Variants in PCK1 observed in about 807,000 individuals in gnomAD.
PCK1 encodes phosphoenolpyruvate carboxykinase, cytosolic [GTP].
A neutral mutation model predicts 50.3 loss-of-function variants in PCK1; 44 were observed. The observed-to-expected ratio is 0.87, with a 90% CI of 0.69 to 1.12. PCK1 has a LOEUF of 1.12. Among genes scored for constraint, PCK1 ranks in the 50% most tolerant of loss-of-function variants. The pLI is 0.00. For synonymous variants in PCK1, 332 were observed against 314.3 expected, an observed-to-expected ratio of 1.06 and a Z score of -0.59; for missense variants, 790 against 815.0, an observed-to-expected ratio of 0.97 and a Z score of 0.37.
Position 57,561,646 on chromosome 20 carries a change from C to A in PCK1, c.224+11C>A, listed in dbSNP as rs1158122497. The A allele has an allele frequency of 6.4e-7, 1 of 1,570,396 alleles. No homozygotes were observed. The stretch of plus-strand genomic sequence containing the variant: ...GAAGTATGACAACTGGTAAGCTCGG[C>A]CCCCGCTGCCTGTCCCAGCACCCTG... On this transcript the variant is annotated intron_variant, in intron 2 of 9. Coordinates refer to ENST00000319441, the MANE Select transcript of PCK1 (RefSeq NM_002591.4).
Position 57,561,409 on chromosome 20 carries a change from G to GA in PCK1, c.1dup. The GA allele has an allele frequency of 6.2e-7, 1 of 1,607,984 alleles. No homozygotes were observed. Among genetic ancestry groups the GA allele is most frequent in the Admixed American group, 1.7e-5 (1 of 59,986 alleles). ...TCGTGCCCCTTAGCAGCACTCTGCA[G>GA]AAATGCCTCCTCAGCTGCAAAACGG... On this transcript the variant is annotated 5_prime_UTR_variant, in exon 2 of 10. Coordinates refer to ENST00000319441, the MANE Select transcript of PCK1 (RefSeq NM_002591.4).
chr20:57,563,648 C>G lies in PCK1; in HGVS notation c.882C>G (p.Ala294=), dbSNP rs200973243. The change falls in exon 6 of 10, where the codon GCC becomes GCG. Residue 294 remains alanine, a synonymous_variant. Transcript: ENST00000319441. ...GCGCCTGCGGGAAGACCAACCTGGC[C>G]ATGATGAACCCCAGCCTCCCCGGGT... The part of the protein sequence containing the change: ...FPSACGKTNL[A]MMNPSLPGWK... 1.2e-6 allele frequency: 2 copies of G among 1,613,296 alleles called. No homozygotes were observed. The highest frequency in any genetic ancestry group is 1.7e-6 in the Non-Finnish European group (2 of 1,179,424).
At chr20:57,564,868 T>C (rs1275633490) in intron 8 of PCK1, 172 bp from the exon 9 acceptor site, 11 of 645,256 alleles carry the variant, frequency 1.7e-5, no homozygotes, top group East Asian at 2.7e-5. Context: ...GCCTCAGTCA[T>C]GTAACTTTGA....
chr20:57,563,518 G>A (rs758216764), intron 5 of PCK1, 47 bp from the exon 6 acceptor site: 27 of 1,402,838 alleles, frequency 1.9e-5, no homozygotes, highest in Admixed American at 3.8e-5. Context: ...TACCAACCTC[G>A]GGGAGAAGGA....
rs28359549 is a variant in PCK1, at chr20:57,564,016, TA to T, written c.962-152del. ...GAGTCGTAAACGTATCAAAGTTGCATATGATGCTTGGATGAAAAGAGATAAA... is the reference window on the plus strand; with the variant it reads ...GAGTCGTAAACGTATCAAAGTTGCATTGATGCTTGGATGAAAAGAGATAAA... On this transcript the variant is annotated intron_variant, in intron 6 of 9. Coordinates refer to ENST00000319441, the MANE Select transcript of PCK1 (RefSeq NM_002591.4). The T allele has an allele frequency of 1.9e-4, 119 of 642,324 alleles. No individual in the cohort carries two copies. The African/African-American group carries it at 2.1e-3, about 11-fold the overall frequency. 39.8% of individuals were successfully genotyped at this position (642,324 alleles called of 1,614,324 possible). A position where few individuals can be genotyped will look rare whatever the true frequency, so the allele number is the denominator to read the frequency against.
rs1600705981 is a variant in PCK1, at chr20:57,561,708, G to T, written c.224+73G>T. The T allele has an allele frequency of 2.9e-6, 3 of 1,046,802 alleles. No homozygotes were observed. The East Asian group carries it at 7.1e-5, about 25-fold the overall frequency. The allele number at this position is 1,046,802 out of a possible 1,614,324, so 64.8% of individuals were successfully genotyped here. A position where few individuals can be genotyped will look rare whatever the true frequency, so the allele number is the denominator to read the frequency against. ...CCCCTGCGTCTCCTGGGAGTTGGTGGAGAAAGGTGAATGAAGGCCTTCGGG... is the reference window on the plus strand; with the variant it reads ...CCCCTGCGTCTCCTGGGAGTTGGTGTAGAAAGGTGAATGAAGGCCTTCGGG... On this transcript the variant is annotated intron_variant, in intron 2 of 9. Transcript: ENST00000319441.
Position 57,564,265 on chromosome 20 carries a change from A to G in PCK1, c.1058A>G (p.Lys353Arg). Reference sequence around the variant, plus strand: ...CCCAATGCCATCAAGACCATCCAGAAGAACACAATCTTTACCAATGTGGCC... The same window carrying G: ...CCCAATGCCATCAAGACCATCCAGAGGAACACAATCTTTACCAATGTGGCC... The part of the protein sequence containing the change: ...TNPNAIKTIQ[K>R]NTIFTNVAET... The change falls in exon 7 of 10, where the codon AAG becomes AGG. Residue 353 changes from lysine to arginine, a missense_variant. Coordinates refer to ENST00000319441, the MANE Select transcript of PCK1 (RefSeq NM_002591.4). The G allele has an allele frequency of 1.2e-6, 2 of 1,614,128 alleles. No homozygotes were observed. The highest frequency in any genetic ancestry group is 1.7e-6 in the Non-Finnish European group (2 of 1,179,992).
In PCK1 at chr20:57,562,988, G is replaced by A. The variant is rs767046921; in HGVS notation, c.611-40G>A. ...GAGTGCCTCGGGGACCCCCAAGCAG[G>A]GCCCTGGCGCACTGACTTGGGAGGG... On this transcript the variant is annotated intron_variant, in intron 4 of 9. Transcript: ENST00000319441. 1.3e-5 allele frequency: 20 copies of A among 1,592,772 alleles called. No homozygotes were observed. In the East Asian group the frequency reaches 3.8e-4, roughly 30 times the overall value.
At position 57,561,377 on chromosome 20, in the gene PCK1, C is replaced by T. The variant is rs757226961; in HGVS notation, c.-35C>T. 8 of 1,395,174 alleles carry T rather than the reference C, an allele frequency of 5.7e-6. No homozygotes were observed. The highest frequency in any genetic ancestry group is 7.1e-6 in the Non-Finnish European group (7 of 990,776). The allele number at this position is 1,395,174 out of a possible 1,614,324, so 86.4% of individuals were successfully genotyped here. A position where few individuals can be genotyped will look rare whatever the true frequency, so the allele number is the denominator to read the frequency against. On this transcript the variant is annotated 5_prime_UTR_variant, in exon 2 of 10. Coordinates refer to ENST00000319441, the MANE Select transcript of PCK1 (RefSeq NM_002591.4). Reference sequence around the variant, plus strand: ...GCTTGCGTTTTCTATTTCAGGTGACCTCACATTCGTGCCCCTTAGCAGCAC... The same window carrying T: ...GCTTGCGTTTTCTATTTCAGGTGACTTCACATTCGTGCCCCTTAGCAGCAC...
Position 57,567,175 on chromosome 20 carries a change from G to A in PCK1, c.*1371G>A, listed in dbSNP as rs2070212124. 3.3e-5 allele frequency: 5 copies of A among 152,244 alleles called. No individual in the cohort carries two copies. Among genetic ancestry groups the A allele is most frequent in the Admixed American group, 3.3e-4 (5 of 15,280 alleles). 9.4% of individuals were successfully genotyped at this position (152,244 alleles called of 1,614,324 possible). A position where few individuals can be genotyped will look rare whatever the true frequency, so the allele number is the denominator to read the frequency against. ...AGTTGTAGTTTCTTTCTTGGGCCCA[G>A]GCTGTGAAATTGGCTTCACCCCTAC... On this transcript the variant is annotated 3_prime_UTR_variant, in exon 10 of 10. Coordinates refer to ENST00000319441, the MANE Select transcript of PCK1 (RefSeq NM_002591.4).
At position 57,562,185 on chromosome 20, in the gene PCK1, C is replaced by A; in HGVS notation, c.339C>A (p.Leu113=). The A allele has an allele frequency of 6.2e-7, 1 of 1,614,058 alleles. No individual in the cohort carries two copies. The highest frequency in any genetic ancestry group is 1.6e-4 in the Middle Eastern group (1 of 6,062). ...VPIPKTGLSQ[L]GRWMSEEDFE... ...TCCCCAAAACAGGCCTCAGCCAGCTCGGTCGCTGGATGTCAGAGGAGGATT... is the reference window on the plus strand; with the variant it reads ...TCCCCAAAACAGGCCTCAGCCAGCTAGGTCGCTGGATGTCAGAGGAGGATT... The change falls in exon 3 of 10, where the codon CTC becomes CTA. Residue 113 remains leucine, a synonymous_variant. Transcript: ENST00000319441.
chr20:57,563,664 CT>C lies in PCK1; in HGVS notation c.899del (p.Leu300ProfsTer16). On this transcript the variant is annotated frameshift_variant, in exon 6 of 10. Transcript: ENST00000319441. LOFTEE classifies it high-confidence loss of function. Reference sequence around the variant, plus strand: ...CAACCTGGCCATGATGAACCCCAGCCTCCCCGGGTGGAAGGTTGAGTGCGTC... The same window carrying C: ...CAACCTGGCCATGATGAACCCCAGCCCCCCGGGTGGAAGGTTGAGTGCGTC... ...KTNLAMMNPS[L>X]PGWKVECVGD... The C allele has an allele frequency of 3.1e-6, 5 of 1,613,878 alleles. No individual in the cohort carries two copies. The highest frequency in any genetic ancestry group is 4.2e-6 in the Non-Finnish European group (5 of 1,179,790).
In PCK1 at chr20:57,565,479, A is replaced by C. The variant is rs763861186; in HGVS notation, c.1544A>C (p.Asn515Thr). 1.9e-6 allele frequency: 3 copies of C among 1,614,224 alleles called. No individual in the cohort carries two copies. The highest frequency in any genetic ancestry group is 2.5e-6 in the Non-Finnish European group (3 of 1,180,030). ...AAKLPKIFHVNWFRKDKEGKF... is the reference protein window; with the variant it reads ...AAKLPKIFHVTWFRKDKEGKF... ...AAACTGCCCAAGATCTTCCATGTCA[A>C]CTGGTTCCGGAAGGACAAGGAAGGC... is the stretch of plus-strand genomic sequence containing the variant. Residue 515 changes from asparagine (N) to threonine (T), a missense_variant, in exon 10 of 10, where the codon AAC becomes ACC. By Grantham distance (65) the Asn-to-Thr change is moderately conservative. Transcript: ENST00000319441.
chr20:57,563,277 G>A, intron 5 of PCK1, 62 bp downstream of exon 5: 1 of 1,469,470 alleles, frequency 6.8e-7, no homozygotes, highest in East Asian at 2.3e-5. Context: ...GAAACAAACA[G>A]CATTACAGTT....
rs1433189302 is a variant in PCK1, at chr20:57,568,100, A to T, written c.*2296A>T. The T allele has an allele frequency of 1.3e-5, 2 of 152,226 alleles. No homozygotes were observed. The highest frequency in any genetic ancestry group is 4.8e-5 in the African/African-American group (2 of 41,458). 9.4% of individuals were successfully genotyped at this position (152,226 alleles called of 1,614,324 possible). On this transcript the variant is annotated 3_prime_UTR_variant, in exon 10 of 10. Coordinates refer to ENST00000319441, the MANE Select transcript of PCK1 (RefSeq NM_002591.4). ...CGGACCCCTGTCTACAATAAACAGG[A>T]TCCTATGACTTCTTTCTTCAATGTT...
intron 5 of PCK1, 23 bp downstream of exon 5, chr20:57,563,238 T>C (rs1487649830): frequency 1.2e-6 from 2 of 1,609,162 alleles, no homozygotes; most frequent in East Asian, 2.2e-5. Context: ...GAAGCCCTGA[T>C]GTGCAGATGA....
At chr20:57,563,244 G>T in intron 5 of PCK1, 29 bp downstream of exon 5, 1 of 1,602,190 alleles carries the variant, frequency 6.2e-7, no homozygotes, top group Non-Finnish European at 8.5e-7. Context: ...CTGATGTGCA[G>T]ATGAGAGGCC....
At chr20:57,562,560 C>T in intron 3 of PCK1, 136 bp from the exon 4 acceptor site, 1 of 729,504 alleles carries the variant, frequency 1.4e-6, no homozygotes, top group Non-Finnish European at 2.3e-6. Context: ...TCTTCTAACC[C>T]AGGGGGCTGG....
chr20:57,565,898 C>T lies in PCK1; in HGVS notation c.*94C>T, dbSNP rs2070200703. ...GAGGGCAAGTGTTCCCAAATTGACGCCACCATAATAATCATCACCACACCG... is the reference window on the plus strand; with the variant it reads ...GAGGGCAAGTGTTCCCAAATTGACGTCACCATAATAATCATCACCACACCG... On this transcript the variant is annotated 3_prime_UTR_variant, in exon 10 of 10. Coordinates refer to ENST00000319441, the MANE Select transcript of PCK1 (RefSeq NM_002591.4). 1.4e-5 allele frequency: 12 copies of T among 885,628 alleles called. No homozygotes were observed. Among genetic ancestry groups the T allele is most frequent in the Non-Finnish European group, 2.0e-5 (12 of 589,144 alleles). 54.9% of individuals were successfully genotyped at this position (885,628 alleles called of 1,614,324 possible).
Sources: gnomAD v4.1 joint callset for allele counts on GRCh38, gnomAD v4.1.1 for gene constraint, MANE v1.5 for transcripts, NCBI Gene and HGNC (gene_info 2026-07-23, HGNC 2026-07-21) for gene names.